The following RMND5A variants were observed in gnomAD, a reference collection of about 807,000 sequenced individuals.
RMND5A encodes required for meiotic nuclear division 5 homolog A.
RMND5A carries 17 observed loss-of-function variants against 49.7 expected under a neutral mutation model. The observed-to-expected ratio is 0.34, with a 90% confidence interval of 0.23 to 0.51. The LOEUF (loss-of-function observed/expected upper bound fraction) is 0.51. Ranked by LOEUF, RMND5A falls within the 20% of genes least tolerant of loss-of-function variation. RMND5A has a pLI of 0.96. For synonymous variants in RMND5A, 156 were observed against 167.7 expected, an observed-to-expected ratio of 0.93 and a Z score of 0.54; for missense variants, 255 against 471.3, an observed-to-expected ratio of 0.54 and a Z score of 4.25.
chr2:86,764,438 G>T (rs1672557375), intron 4 of RMND5A, among the ~76,000 whole-genome samples: 1 of 152,106 alleles, frequency 6.6e-6, no homozygotes, highest in African/African-American at 2.4e-5. Context: ...ATTTAAAATT[G>T]AATCTTGTTT....
chr2:86,771,769 A>G (rs376097213), intron 8 of RMND5A, 57 bp downstream of exon 8: 1 of 1,431,586 alleles, frequency 7.0e-7, no homozygotes, highest in African/African-American at 1.4e-5. Context: ...GGAACTTGGT[A>G]GGAGGATAAG....
intron 4 of RMND5A, among the ~76,000 whole-genome samples, 191 bp from the exon 5 acceptor site, chr2:86,764,836 A>G (rs1672563601): frequency 6.6e-6 from 1 of 152,210 alleles, no homozygotes; most frequent in Non-Finnish European, 1.5e-5. Flanking sequence ...CACTGGCTGA[A>G]GGGCCTCTGC....
intron 5 of RMND5A, 123 bp downstream of exon 5, chr2:86,765,316 T>A: frequency 1.2e-6 from 1 of 864,002 alleles, no homozygotes; most frequent in Non-Finnish European, 1.7e-6. Context: ...GATAATCACT[T>A]ACAGGAAAAG....
At chr2:86,743,987 A>G (rs1289722580) in intron 2 of RMND5A, among the ~76,000 whole-genome samples, 3 of 151,992 alleles carry the variant, frequency 2.0e-5, no homozygotes, top group Non-Finnish European at 4.4e-5. Flanking sequence ...CAAAAAAAAA[A>G]AAAAAATACA....
At chr2:86,755,800 A>G (rs1024610999) in intron 4 of RMND5A, among the ~76,000 whole-genome samples, 4 of 152,198 alleles carry the variant, frequency 2.6e-5, no homozygotes, top group African/African-American at 9.7e-5. Flanking sequence ...TTGTTCCATA[A>G]GTAAAAATTT....
At chr2:86,745,041 G>T (rs1681514923) in intron 2 of RMND5A, among the ~76,000 whole-genome samples, 1 of 151,406 alleles carries the variant, frequency 6.6e-6, no homozygotes, top group Non-Finnish European at 1.5e-5. Flanking sequence ...AATGTATTTG[G>T]GCTGTTCTTG....
At chr2:86,742,246 A>G (rs1394027355) in intron 2 of RMND5A, among the ~76,000 whole-genome samples, 1 of 148,468 alleles carries the variant, frequency 6.7e-6, no homozygotes, top group Non-Finnish European at 1.5e-5. Context: ...TTTTGGCAGC[A>G]GCAGGGTTCC....
rs370836534 is a variant in RMND5A at position 86,751,145 on chromosome 2, G to A, written c.286-751G>A. ...GGGTCTTGTTTAAGTTCTGTGGAGA[G>A]TGTTGGTATTTTTGTTTTAGCAGGC... On this transcript the variant is annotated intron_variant, in intron 2 of 8. Transcript: ENST00000283632. 7.2e-5 allele frequency among the ~76,000 whole-genome samples: 11 copies of A among 152,302 alleles called. No homozygotes were observed. The East Asian group carries it at 1.2e-3, about 16-fold the overall frequency.
At chr2:86,762,429 G>A (rs189882348) in intron 4 of RMND5A, among the ~76,000 whole-genome samples, 47 of 151,994 alleles carry the variant, frequency 3.1e-4, no homozygotes, top group Admixed American at 6.6e-4. Flanking sequence ...TGGATCACCT[G>A]AGGCCAGGAG....
intron 4 of RMND5A, among the ~76,000 whole-genome samples, chr2:86,759,766 C>T (rs1158075953): frequency 2.6e-5 from 4 of 151,866 alleles, no homozygotes; most frequent in East Asian, 1.9e-4. Context: ...CGCCACTGTA[C>T]TCCAGCCTGG....
Position 86,775,847 on chromosome 2 carries a change from AC to A in RMND5A, c.*2437del, listed in dbSNP as rs1163513195. On this transcript the variant is annotated 3_prime_UTR_variant, in exon 9 of 9. Coordinates refer to ENST00000283632, the MANE Select transcript of RMND5A (RefSeq NM_022780.4). ...AGACCTTAACCAAAGATGCTGAGAT[AC>A]AGCATTCTGTCCCCCCTGCCCTAGA... 6.6e-6 allele frequency: 1 copy of A among 152,210 alleles called. No homozygotes were observed. The highest frequency in any genetic ancestry group is 1.5e-5 in the Non-Finnish European group (1 of 68,038). The allele number at this position is 152,210 out of a possible 1,614,324, so 9.4% of individuals were successfully genotyped here.
intron 4 of RMND5A, among the ~76,000 whole-genome samples, chr2:86,761,943 G>C (rs949935629): frequency 6.6e-6 from 1 of 152,064 alleles, no homozygotes; most frequent in Non-Finnish European, 1.5e-5. Context: ...AGGTTAAGTG[G>C]CGTACAGGTG....
chr2:86,757,849 G>T (rs539912682), intron 4 of RMND5A, among the ~76,000 whole-genome samples: 1 of 152,206 alleles, frequency 6.6e-6, no homozygotes, highest in Non-Finnish European at 1.5e-5. Flanking sequence ...GCTAAGCTGC[G>T]TACATAGTTT....
intron 2 of RMND5A, among the ~76,000 whole-genome samples, chr2:86,750,442 C>A (rs6711850): frequency 0.032 from 4,924 of 152,248 alleles, 275 homozygotes; most frequent in African/African-American, 0.11. Context: ...TTCTTTCTGG[C>A]CTCCATAGTT....
chr2:86,765,285 T>TACTG, intron 5 of RMND5A, 92 bp downstream of exon 5: 1 of 1,135,058 alleles, frequency 8.8e-7, no homozygotes, highest in Non-Finnish European at 1.2e-6. Context: ...AATACCTGTT[T>TACTG]GCCAGTAAAC....
intron 4 of RMND5A, among the ~76,000 whole-genome samples, chr2:86,760,629 G>A (rs773072362): frequency 1.3e-5 from 2 of 152,200 alleles, no homozygotes; most frequent in Non-Finnish European, 2.9e-5. Flanking sequence ...GGCAACAGCT[G>A]TGTGGGTTGT....
chr2:86,758,612 G>A lies in RMND5A; in HGVS notation c.521+5054G>A, dbSNP rs76686573. Among the ~76,000 whole-genome samples the A allele has an allele frequency of 4.2e-3, 646 of 152,320 alleles. 7 individuals are homozygous for A. The highest frequency in any genetic ancestry group is 0.015 in the African/African-American group (618 of 41,572). ...GAGAACCTCATGTAAAAGGGTGTGT[G>A]TGTGTGTCTTAAATAGAGTCAGATA... On this transcript the variant is annotated intron_variant, in intron 4 of 8. Coordinates refer to ENST00000283632, the MANE Select transcript of RMND5A (RefSeq NM_022780.4).
chr2:86,753,629 AT>A, intron 4 of RMND5A, 71 bp downstream of exon 4: 1 of 729,104 alleles, frequency 1.4e-6, no homozygotes, highest in Non-Finnish European at 2.3e-6. Context: ...CAGAAAACAC[AT>A]TAGAGATTTT....
chr2:86,754,217 T>C (rs1681690433), intron 4 of RMND5A, among the ~76,000 whole-genome samples: 1 of 152,252 alleles, frequency 6.6e-6, no homozygotes, highest in East Asian at 1.9e-4. Context: ...TTTAAAAATT[T>C]AAAAACCCAT....
Sources: gnomAD v4.1 joint callset for allele counts (sites outside exome capture counted in the v4.1 genomes callset) on GRCh38, gnomAD v4.1.1 for gene constraint, MANE v1.5 for transcripts, NCBI Gene and HGNC (gene_info 2026-07-23, HGNC 2026-07-21) for gene names.